Variants in APOBEC3C observed in about 807,000 individuals in gnomAD.
APOBEC3C encodes DNA dC->dU-editing enzyme APOBEC-3C.
In APOBEC3C, 14 loss-of-function variants were observed where a neutral mutation model predicts 20.6. That is an observed-to-expected ratio of 0.68 (90% CI 0.45 to 1.06). APOBEC3C has a LOEUF of 1.06. APOBEC3C is among the 50% of genes least tolerant of loss of function. APOBEC3C has a pLI of 0.00. For synonymous variants in APOBEC3C, 98 were observed against 88.8 expected (o/e 1.10, Z -0.58); for missense variants, 244 against 241.9 (o/e 1.01, Z -0.06).
At chr22:39,016,293 G>A (rs753142304) in intron 2 of APOBEC3C, among the ~76,000 whole-genome samples, 12 of 146,960 alleles carry the variant, frequency 8.2e-5, no homozygotes, top group Admixed American at 2.0e-4. Context: ...TCCGCCTCCC[G>A]GGTTCACGCC....
At position 39,014,493 on chromosome 22, in the gene APOBEC3C, C is replaced by T. The variant is rs918664975; in HGVS notation, c.17+114C>T. On this transcript the variant is annotated intron_variant, in intron 1 of 3. Coordinates refer to ENST00000361441, the MANE Select transcript of APOBEC3C (RefSeq NM_014508.3). ...CCAGCCCCACCTCTGGGCTCCCTCC[C>T]CCCTGGTTCCCCCGCTGCCCCCACT... 22 of 1,303,600 alleles carry T rather than the reference C, an allele frequency of 1.7e-5. 1 individual carries two copies. The South Asian group carries it at 2.3e-4, about 14-fold the overall frequency. The allele number at this position is 1,303,600 out of a possible 1,614,324, so 80.8% of individuals were successfully genotyped here. A position where few individuals can be genotyped will look rare whatever the true frequency, so the allele number is the denominator to read the frequency against.
intron 1 of APOBEC3C, among the ~76,000 whole-genome samples, chr22:39,015,293 T>TAA (rs531167782): frequency 6.8e-5 from 9 of 131,956 alleles, no homozygotes; most frequent in South Asian, 2.4e-4. Context: ...ATGCCGTCTT[T>TAA]AAAAAAAAAA....
At chr22:39,018,232 G>A (rs1347386643) in intron 3 of APOBEC3C, 37 bp from the exon 4 acceptor site, 3 of 1,603,174 alleles carry the variant, frequency 1.9e-6, no homozygotes, top group Non-Finnish European at 1.7e-6. Context: ...AGAGAGGCCT[G>A]CTGGGCCCTC....
chr22:39,014,509 T>C (rs1924713832), intron 1 of APOBEC3C, 130 bp downstream of exon 1: 1 of 1,037,186 alleles, frequency 9.6e-7, no homozygotes. Flanking sequence ...GTTCCCCCGC[T>C]GCCCCCACTC....
chr22:39,015,560 G>A (rs764276625), intron 1 of APOBEC3C, 35 bp from the exon 2 acceptor site: 9 of 1,607,068 alleles, frequency 5.6e-6, no homozygotes, highest in African/African-American at 5.4e-5. Flanking sequence ...CGGTGCGGGG[G>A]TCTCTGCATT....
intron 3 of APOBEC3C, 55 bp from the exon 4 acceptor site, chr22:39,018,214 G>A (rs895828303): frequency 1.9e-6 from 3 of 1,589,552 alleles, no homozygotes; most frequent in Non-Finnish European, 2.6e-6. Context: ...GGAGGGCCCA[G>A]GGCCAGGAGA....
chr22:39,017,646 A>T, intron 2 of APOBEC3C, 120 bp from the exon 3 acceptor site: 1 of 1,298,530 alleles, frequency 7.7e-7, no homozygotes. Flanking sequence ...TGTCTCAAAA[A>T]TGAGTAAATA....
rs1924854704 is a variant in APOBEC3C at position 39,017,909 on chromosome 22, G to C, written c.318G>C (p.Glu106Asp). ...PCPDCAGEVA[E>D]FLARHSNVNL... ...CAGACTGTGCAGGGGAGGTGGCCGA[G>C]TTCCTGGCCAGGCACAGCAACGTGA... is the stretch of plus-strand genomic sequence containing the variant. Residue 106 changes from glutamate to aspartate, a missense_variant, in exon 3 of 4, where the codon GAG becomes GAC. Glu to Asp is a conservative substitution (Grantham distance 45, BLOSUM62 2). Coordinates refer to ENST00000361441, the MANE Select transcript of APOBEC3C (RefSeq NM_014508.3). 2 of 1,614,186 alleles carry C rather than the reference G, an allele frequency of 1.2e-6. No individual in the cohort carries two copies. The highest frequency in any genetic ancestry group is 1.7e-6 in the Non-Finnish European group (2 of 1,180,042).
intron 3 of APOBEC3C, 54 bp from the exon 4 acceptor site, chr22:39,018,215 G>T: frequency 6.3e-7 from 1 of 1,592,866 alleles, no homozygotes; most frequent in Non-Finnish European, 8.6e-7. Context: ...GAGGGCCCAG[G>T]GCCAGGAGAG....
intron 1 of APOBEC3C, among the ~76,000 whole-genome samples, chr22:39,015,251 A>T (rs1296692493): frequency 6.6e-6 from 1 of 151,180 alleles, no homozygotes; most frequent in Admixed American, 6.6e-5. Context: ...GTGAGCTGAG[A>T]TTGCAAACTC....
chr22:39,015,500 C>G (rs926881673), intron 1 of APOBEC3C, 95 bp from the exon 2 acceptor site: 32 of 1,437,776 alleles, frequency 2.2e-5, no homozygotes, highest in Middle Eastern at 2.2e-4. Flanking sequence ...GGCCCAGAGC[C>G]CAGGGACGTC....
chr22:39,019,565 G>A lies in APOBEC3C; in HGVS notation c.*1178G>A, dbSNP rs1924943568. The A allele has an allele frequency of 2.0e-5, 3 of 152,116 alleles. No individual in the cohort carries two copies. The highest frequency in any genetic ancestry group is 6.6e-5 in the Admixed American group (1 of 15,250). The allele number at this position is 152,116 out of a possible 1,614,324, so 9.4% of individuals were successfully genotyped here. On this transcript the variant is annotated 3_prime_UTR_variant, in exon 4 of 4. Coordinates refer to ENST00000361441, the MANE Select transcript of APOBEC3C (RefSeq NM_014508.3). The stretch of plus-strand genomic sequence containing the variant: ...AGAGAATGAGATTCTCCATAAAAAT[G>A]ACCCTTTCATGCTGTGGCCTCCATA...
rs182391195 is a variant in APOBEC3C at position 39,017,470 on chromosome 22, T to C, written c.175-296T>C. Among the ~76,000 whole-genome samples the C allele has an allele frequency of 3.9e-3, 596 of 152,064 alleles. 2 individuals are homozygous for C. Among genetic ancestry groups the C allele is most frequent in the Middle Eastern group, 6.8e-3 (2 of 292 alleles). ...CTGGGCAACATGGTGAAACCCCGTC[T>C]CTAAAAAAATTATTTAAAAAATTAG... On this transcript the variant is annotated intron_variant, in intron 2 of 3. Transcript: ENST00000361441.
Position 39,019,352 on chromosome 22 carries a change from C to T in APOBEC3C, c.*965C>T, listed in dbSNP as rs1013221209. The T allele has an allele frequency of 1.3e-5, 2 of 152,242 alleles. No individual in the cohort carries two copies. The highest frequency in any genetic ancestry group is 4.8e-5 in the African/African-American group (2 of 41,452). 9.4% of individuals were successfully genotyped at this position (152,242 alleles called of 1,614,324 possible). ...CCCTTCCTAGTGCCCATGGGCTTTA[C>T]ATAGGGCAAGAGAACATTTCTCCTT... On this transcript the variant is annotated 3_prime_UTR_variant, in exon 4 of 4. Coordinates refer to ENST00000361441, the MANE Select transcript of APOBEC3C (RefSeq NM_014508.3).
At chr22:39,014,420 TTCCTGCCAGGCGG>T in intron 1 of APOBEC3C, 41 bp downstream of exon 1, 8 of 1,613,432 alleles carry the variant, frequency 5.0e-6, no homozygotes, top group Non-Finnish European at 6.8e-6. Context: ...CTCCTGCCAC[TTCCTGCCAGGCGG>T]TCCTGCTGGG....
rs1453605656 is a variant in APOBEC3C at position 39,019,535 on chromosome 22, G to A, written c.*1148G>A. On this transcript the variant is annotated 3_prime_UTR_variant, in exon 4 of 4. Coordinates refer to ENST00000361441, the MANE Select transcript of APOBEC3C (RefSeq NM_014508.3). ...TTTGACATTTTCAAAGCAGATGTAAGTTTTAGAGAATGAGATTCTCCATAA... is the reference window on the plus strand; with the variant it reads ...TTTGACATTTTCAAAGCAGATGTAAATTTTAGAGAATGAGATTCTCCATAA... 1 of 152,184 alleles carries A rather than the reference G, an allele frequency of 6.6e-6. No homozygotes were observed. Among genetic ancestry groups the A allele is most frequent in the East Asian group, 1.9e-4 (1 of 5,200 alleles). The allele number at this position is 152,184 out of a possible 1,614,324, so 9.4% of individuals were successfully genotyped here.
chr22:39,015,383 T>A (rs1603272877), intron 1 of APOBEC3C, among the ~76,000 whole-genome samples: 1 of 150,598 alleles, frequency 6.6e-6, no homozygotes. Flanking sequence ...CTAGGAGAGG[T>A]CACCCCGGCC....
intron 2 of APOBEC3C, 78 bp downstream of exon 2, chr22:39,015,829 T>G: frequency 7.0e-7 from 1 of 1,437,090 alleles, no homozygotes. Context: ...ATAAGTGATG[T>G]GCCCGGCGTG....
chr22:39,018,176 T>C, intron 3 of APOBEC3C, 93 bp from the exon 4 acceptor site: 1 of 1,568,958 alleles, frequency 6.4e-7, no homozygotes, highest in Non-Finnish European at 8.6e-7. Context: ...CCACTGCAAC[T>C]GGCAGCCTGG....
Sources: gnomAD v4.1 joint callset for allele counts (sites outside exome capture counted in the v4.1 genomes callset) on GRCh38, gnomAD v4.1.1 for gene constraint, MANE v1.5 for transcripts, NCBI Gene and HGNC (gene_info 2026-07-23, HGNC 2026-07-21) for gene names.